The following SPATA16 variants were observed in gnomAD, a reference collection of about 807,000 sequenced individuals.
The protein encoded by SPATA16 is spermatogenesis associated 16.
In SPATA16, 36 loss-of-function variants were observed where a neutral mutation model predicts 63.3. The observed-to-expected ratio is 0.57, with a 90% confidence interval of 0.44 to 0.75. The LOEUF is 0.75. Among genes scored for constraint, SPATA16 ranks in the 30% least tolerant of loss-of-function variants. The pLI, the probability that SPATA16 is intolerant of heterozygous loss-of-function variation, is 0.00. For missense variants in SPATA16, 646 were observed against 679.3 expected (o/e 0.95, Z 0.54); for synonymous variants, 203 against 216.7 (o/e 0.94, Z 0.56).
Position 173,117,354 on chromosome 3 carries a change from C to T in SPATA16, c.378G>A (p.Lys126=), listed in dbSNP as rs898717013. 7 of 1,614,182 alleles carry T rather than the reference C, an allele frequency of 4.3e-6. No individual in the cohort carries two copies. In the South Asian group the frequency reaches 6.6e-5, roughly 15 times the overall value. The part of the protein sequence containing the change: ...PLKNIMDVEM[K]LVYIDEMGVR... ...CACCCATTTCATCAATGTAGACCAA[C>T]TTCATTTCCACATCCATTATGTTCT... Residue 126 remains lysine, a synonymous_variant, in exon 2 of 11, where the codon AAG becomes AAA. Coordinates refer to ENST00000351008, the MANE Select transcript of SPATA16 (RefSeq NM_031955.6).
intron 10 of SPATA16, among the ~76,000 whole-genome samples, chr3:172,892,827 T>C (rs1305393513): frequency 6.6e-6 from 1 of 152,242 alleles, no homozygotes. Flanking sequence ...TGCTTAACTG[T>C]ATCAGATAGG....
chr3:173,069,141 C>T (rs1244061544), intron 2 of SPATA16, among the ~76,000 whole-genome samples: 2 of 145,888 alleles, frequency 1.4e-5, no homozygotes, highest in East Asian at 3.9e-4. Flanking sequence ...GAAAGAAATA[C>T]AGTTCATAGC....
intron 2 of SPATA16, among the ~76,000 whole-genome samples, chr3:173,084,268 G>A (rs765394692): frequency 6.6e-6 from 1 of 152,134 alleles, no homozygotes; most frequent in Non-Finnish European, 1.5e-5. Flanking sequence ...CTAATGATCA[G>A]CGATGTTGAG....
At chr3:173,091,744 A>C (rs1331175033) in intron 2 of SPATA16, among the ~76,000 whole-genome samples, 2 of 152,170 alleles carry the variant, frequency 1.3e-5, no homozygotes, top group Non-Finnish European at 2.9e-5. Flanking sequence ...AAATCTTTTC[A>C]TATAAAACCA....
chr3:172,905,017 C>G (rs1464647685), intron 10 of SPATA16, among the ~76,000 whole-genome samples: 1 of 152,056 alleles, frequency 6.6e-6, no homozygotes, highest in Admixed American at 6.6e-5. Context: ...TCTTGTCTCC[C>G]TCCCTGCTTG....
intron 6 of SPATA16, among the ~76,000 whole-genome samples, chr3:172,927,268 A>G (rs1263532438): frequency 6.6e-6 from 1 of 152,240 alleles, no homozygotes; most frequent in African/African-American, 2.4e-5. Flanking sequence ...ACAGAACCTC[A>G]GTTTTTCAAA....
At chr3:173,115,845 C>T (rs1290388140) in intron 2 of SPATA16, among the ~76,000 whole-genome samples, 5 of 151,994 alleles carry the variant, frequency 3.3e-5, no homozygotes, top group Non-Finnish European at 7.4e-5. Flanking sequence ...ACATTTGACT[C>T]CTGCTCACTC....
At chr3:173,089,765 C>A (rs1179667735) in intron 2 of SPATA16, among the ~76,000 whole-genome samples, 1 of 152,002 alleles carries the variant, frequency 6.6e-6, no homozygotes, top group South Asian at 2.1e-4. Flanking sequence ...ATTGGAACAC[C>A]AGGCAGGAGG....
intron 5 of SPATA16, among the ~76,000 whole-genome samples, chr3:172,968,959 C>T (rs1733980747): frequency 6.6e-6 from 1 of 152,204 alleles, no homozygotes; most frequent in Non-Finnish European, 1.5e-5. Flanking sequence ...GGAAAGGAAG[C>T]TCTCTTTTAC....
chr3:173,030,609 T>C (rs535548138), intron 3 of SPATA16, among the ~76,000 whole-genome samples: 2 of 152,152 alleles, frequency 1.3e-5, no homozygotes, highest in African/African-American at 2.4e-5. Flanking sequence ...GAAATTAGAA[T>C]GCTTGTGCAC....
chr3:173,085,487 A>C (rs1026519880), intron 2 of SPATA16, among the ~76,000 whole-genome samples: 1 of 151,996 alleles, frequency 6.6e-6, no homozygotes, highest in African/African-American at 2.4e-5. Context: ...CTCTCTTCCT[A>C]TTTAAATATG....
chr3:172,918,074 T>C (rs991733721), intron 8 of SPATA16, among the ~76,000 whole-genome samples: 4 of 152,234 alleles, frequency 2.6e-5, no homozygotes, highest in Non-Finnish European at 5.9e-5. Flanking sequence ...GATTGATGAT[T>C]GCAAATGGTA....
At chr3:173,042,936 C>G (rs1735876599) in intron 3 of SPATA16, among the ~76,000 whole-genome samples, 1 of 152,080 alleles carries the variant, frequency 6.6e-6, no homozygotes, top group African/African-American at 2.4e-5. Flanking sequence ...ATTTTCATCT[C>G]TAGTAGTACA....
At position 173,050,487 on chromosome 3, in the gene SPATA16, A is replaced by G. The variant is rs568878399; in HGVS notation, c.613-1393T>C. Among the ~76,000 whole-genome samples the G allele has an allele frequency of 2.0e-5, 3 of 152,176 alleles. No individual in the cohort carries two copies. The East Asian group carries it at 5.8e-4, about 29-fold the overall frequency. On this transcript the variant is annotated intron_variant, in intron 2 of 10. Coordinates refer to ENST00000351008, the MANE Select transcript of SPATA16 (RefSeq NM_031955.6). The stretch of plus-strand genomic sequence containing the variant: ...CCAAAGTTGGTCTCTTTACATTTTA[A>G]TTTGAATTGATTAGGATTTTTTCAT...
intron 4 of SPATA16, among the ~76,000 whole-genome samples, chr3:173,003,823 C>T (rs1734881050): frequency 6.6e-6 from 1 of 152,134 alleles, no homozygotes; most frequent in African/African-American, 2.4e-5. Context: ...TTATAATGTG[C>T]CAGGCAGTGA....
chr3:172,928,053 G>A (rs1056885278), intron 6 of SPATA16, among the ~76,000 whole-genome samples: 3 of 152,044 alleles, frequency 2.0e-5, no homozygotes, highest in Non-Finnish European at 4.4e-5. Context: ...AGGATTACAG[G>A]CACGCGCCAC....
chr3:173,037,137 A>C (rs1735731203), intron 3 of SPATA16, among the ~76,000 whole-genome samples: 1 of 152,094 alleles, frequency 6.6e-6, no homozygotes, highest in South Asian at 2.1e-4. Context: ...TGAAGGCTGT[A>C]ACTACAAGAA....
chr3:173,028,137 C>A (rs543213530), intron 3 of SPATA16, among the ~76,000 whole-genome samples: 1 of 150,096 alleles, frequency 6.7e-6, no homozygotes, highest in East Asian at 2.0e-4. Flanking sequence ...CATCTAGTTA[C>A]CATTGTCTTG....
At chr3:173,001,827 C>T (rs1049725552) in intron 4 of SPATA16, among the ~76,000 whole-genome samples, 4 of 152,106 alleles carry the variant, frequency 2.6e-5, no homozygotes, top group Non-Finnish European at 5.9e-5. Context: ...TCTGTTTGTT[C>T]AGCATTTTAC....
Sources: allele counts gnomAD v4.1 joint callset (sites outside exome capture counted in the v4.1 genomes callset), GRCh38; gene constraint gnomAD v4.1.1; transcripts MANE v1.5; gene names NCBI Gene and HGNC (gene_info 2026-07-23, HGNC 2026-07-21).